FAM184A: variants seen among roughly 807,000 people sequenced by gnomAD.
The protein encoded by FAM184A is family with sequence similarity 184 member A, also known as protein FAM184A.
Under a neutral mutation model 143.8 loss-of-function variants are expected in FAM184A, and 99 were observed. That is an observed-to-expected ratio of 0.69 (90% CI 0.58 to 0.81). The LOEUF is 0.81. FAM184A is among the 40% of genes least tolerant of loss of function. The probability of loss-of-function intolerance (pLI) is 0.00; values close to 1 mark genes in which losing one functional copy is unlikely to be tolerated. For missense variants in FAM184A, 1,217 were observed against 1,310.5 expected (o/e 0.93, Z 1.10); for synonymous variants, 427 against 446.4 (o/e 0.96, Z 0.55).
intron 1 of FAM184A, among the ~76,000 whole-genome samples, chr6:119,026,835 C>T (rs889772664): frequency 1.4e-4 from 21 of 152,100 alleles, no homozygotes; most frequent in African/African-American, 5.1e-4. Context: ...TTTTGTTTGA[C>T]ATTCCATATT....
chr6:119,006,873 T>C (rs923426793), intron 6 of FAM184A, among the ~76,000 whole-genome samples: 1 of 152,080 alleles, frequency 6.6e-6, no homozygotes, highest in Non-Finnish European at 1.5e-5. Context: ...AATTCCTAGT[T>C]CCACCATATA....
chr6:119,147,059 GCT>G (rs1274288706), intron 1 of FAM184A, among the ~76,000 whole-genome samples: 11 of 145,816 alleles, frequency 7.5e-5, no homozygotes, highest in African/African-American at 2.3e-4. Flanking sequence ...GCAGTGGCAG[GCT>G]CTGTTTTTTT....
In FAM184A at chr6:118,976,049, A is replaced by G; in HGVS notation, c.2456-5T>C. The G allele has an allele frequency of 5.0e-6, 8 of 1,608,806 alleles. No individual in the cohort carries two copies. Among genetic ancestry groups the G allele is most frequent in the Non-Finnish European group, 6.8e-6 (8 of 1,178,742 alleles). On this transcript the variant is annotated splice_region_variant and splice_polypyrimidine_tract_variant and intron_variant, in intron 11 of 17. Coordinates refer to ENST00000338891, the MANE Select transcript of FAM184A (RefSeq NM_024581.6). ...TGAGTTCTGAGCGCAAGGAAGCTGG[A>G]ATTGCAAGGCAAAAATACATTTGGC...
chr6:119,074,261 A>C (rs1787793870), intron 1 of FAM184A, among the ~76,000 whole-genome samples: 1 of 152,236 alleles, frequency 6.6e-6, no homozygotes, highest in African/African-American at 2.4e-5. Flanking sequence ...CAGAACTGGC[A>C]AGACAAAGCA....
intron 1 of FAM184A, among the ~76,000 whole-genome samples, chr6:119,070,567 A>G (rs752745334): frequency 6.6e-6 from 1 of 152,186 alleles, no homozygotes; most frequent in African/African-American, 2.4e-5. Context: ...ATAGTTTGAT[A>G]TGATTCCCCC....
chr6:119,118,128 A>G (rs1004673606), intron 1 of FAM184A, among the ~76,000 whole-genome samples: 2 of 152,248 alleles, frequency 1.3e-5, no homozygotes, highest in African/African-American at 4.8e-5. Flanking sequence ...GGACCTTTCC[A>G]TAGATGCAGA....
Position 119,023,036 on chromosome 6 carries a change from G to T in FAM184A, c.1059C>A (p.Ala353=), listed in dbSNP as rs1320746395. The change falls in exon 3 of 18, where the codon GCC becomes GCA. Residue 353 remains alanine, a synonymous_variant. Coordinates refer to ENST00000338891, the MANE Select transcript of FAM184A (RefSeq NM_024581.6). Reference sequence around the variant, plus strand: ...CCACTTCTTTGTGCTTGCTTAATAGGGCCATTTCTCCCTCCTTGGCATCAT... The same window carrying T: ...CCACTTCTTTGTGCTTGCTTAATAGTGCCATTTCTCCCTCCTTGGCATCAT... ...QLDDAKEGEM[A]LLSKHKEVES... 19 of 1,613,818 alleles carry T rather than the reference G, an allele frequency of 1.2e-5. No homozygotes were observed. Among genetic ancestry groups the T allele is most frequent in the Non-Finnish European group, 1.6e-5 (19 of 1,179,960 alleles).
At chr6:118,990,589 C>CCAG (rs71746749) in intron 9 of FAM184A, among the ~76,000 whole-genome samples, 5 of 28,470 alleles carry the variant, frequency 1.8e-4, no homozygotes, top group Admixed American at 4.7e-4. Flanking sequence ...ACTAATTAGG[C>CCAG]ACATGGTGGC....
At chr6:119,129,261 G>A (rs921197619) in intron 1 of FAM184A, among the ~76,000 whole-genome samples, 3 of 152,180 alleles carry the variant, frequency 2.0e-5, no homozygotes, top group South Asian at 2.1e-4. Flanking sequence ...ATGTTCTCAG[G>A]ACCTCCTGAG....
In FAM184A at chr6:118,980,179, C is replaced by A. The variant is rs1337204904; in HGVS notation, c.2260G>T (p.Ala754Ser). Residue 754 changes from alanine to serine, a missense_variant, in exon 10 of 18, where the codon GCA becomes TCA. Coordinates refer to ENST00000338891, the MANE Select transcript of FAM184A (RefSeq NM_024581.6). ...TTTTCCTCTTCCATAGTTTGAAATG[C>A]AAGGACATGTGCTTCTTTTAATGAT... ...HKSLKEAHVLAFQTMEEEKEK... is the reference protein window; with the variant it reads ...HKSLKEAHVLSFQTMEEEKEK... 1.2e-6 allele frequency: 2 copies of A among 1,614,034 alleles called. No homozygotes were observed. The highest frequency in any genetic ancestry group is 1.7e-6 in the Non-Finnish European group (2 of 1,180,004).
chr6:119,011,559 TAA>T (rs1785090726), intron 5 of FAM184A, 128 bp from the exon 6 acceptor site: 2 of 593,436 alleles, frequency 3.4e-6, no homozygotes, highest in Non-Finnish European at 5.6e-6. Context: ...TACCCTTAAT[TAA>T]CAATATCTGA....
intron 9 of FAM184A, among the ~76,000 whole-genome samples, chr6:118,983,449 T>C (rs971769176): frequency 1.3e-5 from 2 of 152,144 alleles, no homozygotes; most frequent in Non-Finnish European, 1.5e-5. Flanking sequence ...TTATAGAATA[T>C]CTAGAAAGGC....
intron 5 of FAM184A, among the ~76,000 whole-genome samples, chr6:119,014,718 C>G (rs1430183486): frequency 6.6e-6 from 1 of 152,168 alleles, no homozygotes; most frequent in Non-Finnish European, 1.5e-5. Context: ...GTATGTTACT[C>G]TTTGAACCAT....
intron 9 of FAM184A, among the ~76,000 whole-genome samples, chr6:118,988,558 G>A (rs192385348): frequency 1.0e-3 from 159 of 152,282 alleles, no homozygotes; most frequent in Non-Finnish European, 2.0e-3. Context: ...GGTGAAAACC[G>A]CCAACACTAA....
intron 1 of FAM184A, among the ~76,000 whole-genome samples, chr6:119,033,550 A>T (rs1464376586): frequency 6.6e-6 from 1 of 151,866 alleles, no homozygotes; most frequent in Admixed American, 6.6e-5. Flanking sequence ...CTGTATTCCC[A>T]GCTACTCAGG....
intron 1 of FAM184A, among the ~76,000 whole-genome samples, chr6:119,038,783 G>A (rs7768348): frequency 0.96 from 145,726 of 152,262 alleles, 69,841 homozygotes; most frequent in African/African-American, 0.97. Flanking sequence ...GCGAGATCCA[G>A]GAACCCTCTC....
intron 1 of FAM184A, among the ~76,000 whole-genome samples, chr6:119,148,599 T>C (rs537433091): frequency 5.4e-4 from 82 of 152,240 alleles, no homozygotes; most frequent in Middle Eastern, 6.8e-3. Flanking sequence ...GCTGCCAGCA[T>C]CAGATGTGTG....
chr6:119,121,731 T>C (rs1297197426), intron 1 of FAM184A, among the ~76,000 whole-genome samples: 2 of 152,208 alleles, frequency 1.3e-5, no homozygotes, highest in African/African-American at 4.8e-5. Context: ...TCATGCTAAA[T>C]AGTTTAGGAG....
upstream of FAM184A, among the ~76,000 whole-genome samples, chr6:119,080,499 A>G (rs1788031011): frequency 6.6e-6 from 1 of 152,212 alleles, no homozygotes; most frequent in Non-Finnish European, 1.5e-5. Context: ...TCCCCACGAC[A>G]ATGGGATAAA....
Sources: gnomAD v4.1 joint callset for allele counts (sites outside exome capture counted in the v4.1 genomes callset) on GRCh38, gnomAD v4.1.1 for gene constraint, MANE v1.5 for transcripts, NCBI Gene and HGNC (gene_info 2026-07-23, HGNC 2026-07-21) for gene names.